The following CDK5RAP2 variants were observed in gnomAD, a reference collection of about 807,000 sequenced individuals.
The protein encoded by CDK5RAP2 is CDK5 regulatory subunit-associated protein 2.
CDK5RAP2 carries 147 observed loss-of-function variants against 232.9 expected under a neutral mutation model. The ratio of observed to expected loss-of-function variants is 0.63; its 90% CI spans 0.55 to 0.72. The LOEUF is 0.72. Among genes scored for constraint, CDK5RAP2 ranks in the 30% least tolerant of loss-of-function variants. The pLI, the probability that CDK5RAP2 is intolerant of heterozygous loss-of-function variation, is 0.00. For synonymous variants in CDK5RAP2, 833 were observed against 833.7 expected (o/e 1.00, Z 0.01); for missense variants, 2,195 against 2,231.5 (o/e 0.98, Z 0.33).
chr9:120,400,750 A>C lies in CDK5RAP2; in HGVS notation c.5443T>G (p.Cys1815Gly). The C allele has an allele frequency of 6.2e-7, 1 of 1,613,736 alleles. No individual in the cohort carries two copies. Among genetic ancestry groups the C allele is most frequent in the Non-Finnish European group, 8.5e-7 (1 of 1,180,026 alleles). The change falls in exon 35 of 38, where the codon TGT (cysteine) becomes GGT (glycine). Residue 1815 changes from cysteine (C) to glycine (G), a missense_variant. Coordinates refer to ENST00000349780, the MANE Select transcript of CDK5RAP2 (RefSeq NM_018249.6). ...CATGTGTCACCACCTACCTGCTCAC[A>C]GTGAAGGGGGCACTGGCCATCCTCG... ...LPEDGQCPLH[C>G]EQIGEMKAEV...
Position 120,437,534 on chromosome 9 carries a change from A to G in CDK5RAP2, c.3723-7T>C, listed in dbSNP as rs748481266. 1.3e-6 allele frequency: 2 copies of G among 1,593,986 alleles called. No individual in the cohort carries two copies. The highest frequency in any genetic ancestry group is 8.6e-7 in the Non-Finnish European group (1 of 1,161,724). ...CTGAACTAATGAATCGTATCTGATA[A>G]AAGAGGGGAAAGAAAATACTTGGAC... On this transcript the variant is annotated splice_polypyrimidine_tract_variant and splice_region_variant and intron_variant, in intron 24 of 37. Coordinates refer to ENST00000349780, the MANE Select transcript of CDK5RAP2 (RefSeq NM_018249.6).
intron 14 of CDK5RAP2, among the ~76,000 whole-genome samples, chr9:120,486,976 C>T (rs73660260): frequency 2.6e-5 from 4 of 152,098 alleles, no homozygotes; most frequent in African/African-American, 9.7e-5. Flanking sequence ...CCATTTTCTG[C>T]GTGAATTTAA....
intron 18 of CDK5RAP2, among the ~76,000 whole-genome samples, chr9:120,464,672 T>C (rs1456104113): frequency 6.6e-6 from 1 of 152,122 alleles, no homozygotes; most frequent in African/African-American, 2.4e-5. Flanking sequence ...TATGTGCACA[T>C]TAAACTTCAG....
At chr9:120,568,192 A>G in intron 3 of CDK5RAP2, 129 bp downstream of exon 3, 2 of 779,028 alleles carry the variant, frequency 2.6e-6, no homozygotes, top group Non-Finnish European at 4.7e-6. Context: ...GATGTCCATG[A>G]GACATGGCAC....
In CDK5RAP2 at chr9:120,477,436, T is replaced by C. The variant is rs769581793; in HGVS notation, c.1641A>G (p.Ser547=). The change falls in exon 15 of 38, where the codon TCA becomes TCG. Residue 547 remains serine (S), a synonymous_variant. Transcript: ENST00000349780. ...CCTGAATCAGCTCTTCATAGTCTGATGATTGTTTCTTTTCCTGGAAATGAC... is the reference window on the plus strand; with the variant it reads ...CCTGAATCAGCTCTTCATAGTCTGACGATTGTTTCTTTTCCTGGAAATGAC... ...KTIFSKEKKQ[S]SDYEELIQVL... 6.2e-7 allele frequency: 1 copy of C among 1,613,168 alleles called. No individual in the cohort carries two copies. Among genetic ancestry groups the C allele is most frequent in the East Asian group, 2.2e-5 (1 of 44,886 alleles).
intron 12 of CDK5RAP2, among the ~76,000 whole-genome samples, chr9:120,500,450 C>T (rs575363176): frequency 1.3e-5 from 2 of 152,278 alleles, no homozygotes; most frequent in Admixed American, 1.3e-4. Context: ...TTTTTTGTTG[C>T]ACCACATCCT....
rs377338416 is a variant in CDK5RAP2 at position 120,408,400 on chromosome 9, C to A, written c.4673G>T (p.Arg1558Leu). 1.2e-6 allele frequency: 2 copies of A among 1,614,074 alleles called. No individual in the cohort carries two copies. Among genetic ancestry groups the A allele is most frequent in the Non-Finnish European group, 1.7e-6 (2 of 1,180,052 alleles). ...SQNDKLLQSL[R>L]VELKAYEKLD... is the part of the protein sequence containing the mutation. ...CTTCTCATACGCCTTCAGCTCCACT[C>A]GGAGAGACTGCAATAGCTTGTCATT... The change falls in exon 31 of 38, where the codon CGA becomes CTA. Residue 1558 changes from arginine (R) to leucine (L), a missense_variant. Arg to Leu is a moderately radical substitution (Grantham distance 102). Transcript: ENST00000349780.
At chr9:120,413,809 A>AGGAGGGAGGAGGGAGGGAGGAG (rs1564186484) in intron 28 of CDK5RAP2, among the ~76,000 whole-genome samples, 4 of 109,146 alleles carry the variant, frequency 3.7e-5, no homozygotes, top group African/African-American at 1.2e-4. Flanking sequence ...GCAGTGAGCG[A>AGGAGGGAGGAGGGAGGGAGGAG]GGAGGGAGGA....
intron 23 of CDK5RAP2, among the ~76,000 whole-genome samples, chr9:120,442,037 CATG>C (rs1465214101): frequency 2.0e-5 from 3 of 152,162 alleles, no homozygotes; most frequent in Non-Finnish European, 4.4e-5. Context: ...GTAATAACCT[CATG>C]ATAATAGAAT....
At chr9:120,493,333 C>G (rs571664258) in intron 12 of CDK5RAP2, among the ~76,000 whole-genome samples, 2 of 152,322 alleles carry the variant, frequency 1.3e-5, no homozygotes, top group African/African-American at 4.8e-5. Context: ...GCAATAGAAG[C>G]TAATAATACA....
intron 7 of CDK5RAP2, among the ~76,000 whole-genome samples, chr9:120,531,107 C>T (rs187153288): frequency 9.2e-5 from 14 of 152,196 alleles, no homozygotes; most frequent in South Asian, 4.2e-4. Context: ...AGGGCCCTGC[C>T]GACAGCTTCA....
Position 120,454,991 on chromosome 9 carries a change from A to C in CDK5RAP2, c.2376-1118T>G, listed in dbSNP as rs2036678023. ...AGGCTCTGCTTTCCAGGGAAGCAAA[A>C]CTAAGCCAGCATGTAAAACACCTGG... On this transcript the variant is annotated intron_variant, in intron 20 of 37. Transcript: ENST00000349780. Among the ~76,000 whole-genome samples, 3 of 152,196 alleles carry C rather than the reference A, an allele frequency of 2.0e-5. No homozygotes were observed. The South Asian group carries it at 6.2e-4, about 32-fold the overall frequency.
chr9:120,425,795 A>G (rs2034857832), intron 25 of CDK5RAP2, among the ~76,000 whole-genome samples: 2 of 152,208 alleles, frequency 1.3e-5, no homozygotes, highest in African/African-American at 4.8e-5. Flanking sequence ...TTTAATATTT[A>G]CAGTGCTCCA....
At chr9:120,579,040 G>A (rs2043144889) in intron 1 of CDK5RAP2, among the ~76,000 whole-genome samples, 1 of 152,162 alleles carries the variant, frequency 6.6e-6, no homozygotes, top group Non-Finnish European at 1.5e-5. Context: ...CAGGAGTCTA[G>A]GACAACCACA....
At chr9:120,521,978 G>C (rs944471251) in intron 11 of CDK5RAP2, among the ~76,000 whole-genome samples, 1 of 152,114 alleles carries the variant, frequency 6.6e-6, no homozygotes, top group African/African-American at 2.4e-5. Context: ...CCAGTCTCGG[G>C]TATGTCTTTA....
chr9:120,486,702 C>T (rs1211238397), intron 14 of CDK5RAP2, among the ~76,000 whole-genome samples: 1 of 152,074 alleles, frequency 6.6e-6, no homozygotes, highest in African/African-American at 2.4e-5. Flanking sequence ...CAGAGGAAAA[C>T]GGGGGACCAC....
At chr9:120,504,988 A>G (rs1027103996) in intron 12 of CDK5RAP2, among the ~76,000 whole-genome samples, 1 of 152,224 alleles carries the variant, frequency 6.6e-6, no homozygotes, top group Non-Finnish European at 1.5e-5. Context: ...AAACTCTATG[A>G]CATTTAGGAG....
At chr9:120,524,603 A>G (rs998134396) in intron 11 of CDK5RAP2, among the ~76,000 whole-genome samples, 2 of 152,038 alleles carry the variant, frequency 1.3e-5, no homozygotes, top group Non-Finnish European at 2.9e-5. Flanking sequence ...GCATCACTGC[A>G]CTCAAGCCTC....
intron 11 of CDK5RAP2, among the ~76,000 whole-genome samples, chr9:120,520,773 G>GAGAT (rs1564332379): frequency 6.8e-4 from 44 of 64,432 alleles, no homozygotes; most frequent in Admixed American, 1.5e-3. Context: ...ATATATCTCA[G>GAGAT]ATATCTCATG....
Sources: gnomAD v4.1 joint callset for allele counts (sites outside exome capture counted in the v4.1 genomes callset) on GRCh38, gnomAD v4.1.1 for gene constraint, MANE v1.5 for transcripts, NCBI Gene and HGNC (gene_info 2026-07-23, HGNC 2026-07-21) for gene names.